Variants in INTS14 observed in about 807,000 individuals in gnomAD.
The protein encoded by INTS14 is UPF0464 protein C15orf44.
Under a neutral mutation model 56.9 loss-of-function variants are expected in INTS14, and 27 were observed. The ratio of observed to expected loss-of-function variants is 0.47; its 90% CI spans 0.35 to 0.65. The LOEUF (loss-of-function observed/expected upper bound fraction) is 0.65, where lower values mean the gene tolerates loss of function less well. INTS14 is among the 30% of genes least tolerant of loss of function. The pLI, the probability that INTS14 is intolerant of heterozygous loss-of-function variation, is 0.00. For missense variants in INTS14, 517 were observed against 632.2 expected, an observed-to-expected ratio of 0.82 and a Z score of 1.95; for synonymous variants, 207 against 236.2, an observed-to-expected ratio of 0.88 and a Z score of 1.13.
At chr15:65,597,685 C>G (rs751220983) in intron 6 of INTS14, among the ~76,000 whole-genome samples, 7 of 152,126 alleles carry the variant, frequency 4.6e-5, no homozygotes, top group African/African-American at 1.7e-4. Flanking sequence ...GGAAGACTTC[C>G]CAGGGTCACA....
At chr15:65,605,745 A>C (rs1489557354) in intron 2 of INTS14, among the ~76,000 whole-genome samples, 1 of 152,150 alleles carries the variant, frequency 6.6e-6, no homozygotes, top group Non-Finnish European at 1.5e-5. Context: ...ATGCAGTCTG[A>C]CTTCAGGGCT....
At chr15:65,588,039 G>C (rs188574027) in intron 9 of INTS14, among the ~76,000 whole-genome samples, 1 of 152,228 alleles carries the variant, frequency 6.6e-6, no homozygotes, top group Admixed American at 6.5e-5. Flanking sequence ...TGTAATTCCA[G>C]CACTTTGGGA....
At position 65,581,547 on chromosome 15, in the gene INTS14, C is replaced by CAA. The variant is rs57782914; in HGVS notation, c.1305+405_1305+406dup. 1.4e-3 allele frequency among the ~76,000 whole-genome samples: 69 copies of CAA among 47,768 alleles called. 1 individual carries two copies. Among genetic ancestry groups the CAA allele is most frequent in the African/African-American group, 5.1e-3 (61 of 11,932 alleles). The allele number at this position is 47,768 out of a possible 152,430, so 31.3% of individuals were successfully genotyped here. Reference sequence around the variant, plus strand: ...TGGGCAACAGAGTGTGACTCCATCTCAAAAAAAAAAAAAAAAAAAAAAAAA... The same window carrying CAA: ...TGGGCAACAGAGTGTGACTCCATCTCAAAAAAAAAAAAAAAAAAAAAAAAAAA... On this transcript the variant is annotated intron_variant, in intron 11 of 11. Transcript: ENST00000313182.
At chr15:65,589,982 C>T (rs921001848) in intron 9 of INTS14, among the ~76,000 whole-genome samples, 3 of 152,156 alleles carry the variant, frequency 2.0e-5, no homozygotes, top group Admixed American at 1.3e-4. Flanking sequence ...ATTTACTCTT[C>T]TCTCTGTATT....
intron 1 of INTS14, among the ~76,000 whole-genome samples, chr15:65,610,150 A>G: frequency 6.6e-6 from 1 of 152,146 alleles, no homozygotes; most frequent in South Asian, 2.1e-4. Flanking sequence ...ACCCGAGGTC[A>G]GGAGTTCGAG....
At chr15:65,600,065 TGGGA>T in intron 3 of INTS14, 136 bp from the exon 4 acceptor site, 3 of 966,492 alleles carry the variant, frequency 3.1e-6, no homozygotes, top group Non-Finnish European at 4.5e-6. Flanking sequence ...CCCAGTGCTT[TGGGA>T]GGCCAAGGCA....
intron 8 of INTS14, 141 bp from the exon 9 acceptor site, chr15:65,591,872 C>T: frequency 1.2e-6 from 1 of 848,772 alleles, no homozygotes. Context: ...AAAGCCAAAC[C>T]CTAAACCTGA....
intron 9 of INTS14, among the ~76,000 whole-genome samples, chr15:65,585,176 A>T (rs893446869): frequency 6.8e-4 from 102 of 150,790 alleles, no homozygotes; most frequent in African/African-American, 2.2e-3. Flanking sequence ...ATATTTAAAA[A>T]ATATATATAT....
intron 1 of INTS14, among the ~76,000 whole-genome samples, chr15:65,610,097 C>T (rs969165619): frequency 6.6e-6 from 1 of 151,422 alleles, no homozygotes; most frequent in Non-Finnish European, 1.5e-5. Context: ...AGGCCAGGCA[C>T]GCCTTTAATC....
chr15:65,587,386 G>A (rs1028694956), intron 9 of INTS14, among the ~76,000 whole-genome samples: 8 of 151,802 alleles, frequency 5.3e-5, no homozygotes, highest in African/African-American at 1.9e-4. Flanking sequence ...CCTGAAGAAT[G>A]TATTTTACTT....
Position 65,611,087 on chromosome 15 carries a change from T to TC in INTS14, c.-63+10dup. 1 of 1,535,654 alleles carries TC rather than the reference T, an allele frequency of 6.5e-7. No homozygotes were observed. Among genetic ancestry groups the TC allele is most frequent in the Non-Finnish European group, 8.7e-7 (1 of 1,146,600 alleles). On this transcript the variant is annotated intron_variant, in intron 1 of 11. Coordinates refer to ENST00000313182, the MANE Select transcript of INTS14 (RefSeq NM_001394796.1). The stretch of plus-strand genomic sequence containing the variant: ...GAAAGGCAGTCCCGGGCCCTCGGCC[T>TC]CCCCACTCACCCCGTGCCCATCGCC...
chr15:65,608,600 A>G (rs1051529089), intron 1 of INTS14, among the ~76,000 whole-genome samples: 1 of 152,186 alleles, frequency 6.6e-6, no homozygotes, highest in African/African-American at 2.4e-5. Context: ...ACATGATGAA[A>G]TATCATAAAA....
chr15:65,607,846 CA>C (rs2073712212), intron 1 of INTS14, among the ~76,000 whole-genome samples: 1 of 152,176 alleles, frequency 6.6e-6, no homozygotes, highest in Non-Finnish European at 1.5e-5. Flanking sequence ...TTGGCACTGT[CA>C]CAACCTTTTT....
intron 8 of INTS14, among the ~76,000 whole-genome samples, chr15:65,592,547 T>C (rs890064854): frequency 6.6e-6 from 1 of 152,184 alleles, no homozygotes; most frequent in African/African-American, 2.4e-5. Context: ...GTAAGAATCA[T>C]GGTTCTTTCA....
At chr15:65,582,845 CAACA>C (rs1252561987) in intron 10 of INTS14, among the ~76,000 whole-genome samples, 2 of 152,038 alleles carry the variant, frequency 1.3e-5, no homozygotes, top group Non-Finnish European at 2.9e-5. Context: ...AAAAACCCAA[CAACA>C]AAAAGACAAA....
At position 65,602,558 on chromosome 15, in the gene INTS14, T is replaced by TA. The variant is rs544634738; in HGVS notation, c.330+2570dup. 1.8e-3 allele frequency among the ~76,000 whole-genome samples: 281 copies of TA among 152,290 alleles called. 1 individual carries two copies. Among genetic ancestry groups the TA allele is most frequent in the African/African-American group, 6.6e-3 (275 of 41,570 alleles). ...CCTCAGCCTCCCAAAGTGTTGGGAT[T>TA]ACAGGCGTGAGCCGTCGCGCCTGGC... is the stretch of plus-strand genomic sequence containing the variant. On this transcript the variant is annotated intron_variant, in intron 3 of 11. Transcript: ENST00000313182.
At chr15:65,601,678 T>A (rs1790187870) in intron 3 of INTS14, among the ~76,000 whole-genome samples, 1 of 152,090 alleles carries the variant, frequency 6.6e-6, no homozygotes, top group South Asian at 2.1e-4. Context: ...GTGTGAAATA[T>A]CAAGATTGGC....
intron 1 of INTS14, among the ~76,000 whole-genome samples, chr15:65,608,239 G>A (rs1008460840): frequency 6.6e-6 from 1 of 151,790 alleles, no homozygotes; most frequent in Non-Finnish European, 1.5e-5. Flanking sequence ...AGCCAGGCAT[G>A]GTGGCTACTT....
chr15:65,602,402 A>G (rs1464292852), intron 3 of INTS14, among the ~76,000 whole-genome samples: 1 of 151,062 alleles, frequency 6.6e-6, no homozygotes, highest in Non-Finnish European at 1.5e-5. Flanking sequence ...CCCCTACCTC[A>G]GCCTCCCAGG....
Sources: gnomAD v4.1 joint callset for allele counts (sites outside exome capture counted in the v4.1 genomes callset) on GRCh38, gnomAD v4.1.1 for gene constraint, MANE v1.5 for transcripts, NCBI Gene and HGNC (gene_info 2026-07-23, HGNC 2026-07-21) for gene names.